TMEM132D: variants seen among roughly 807,000 people sequenced by gnomAD.
TMEM132D encodes the protein mature OL transmembrane protein.
Under a neutral mutation model 62.3 loss-of-function variants are expected in TMEM132D, and 21 were observed. That is an observed-to-expected ratio of 0.34 (90% CI 0.24 to 0.49). TMEM132D has a LOEUF of 0.49. Ranked by LOEUF, TMEM132D falls within the 20% of genes least tolerant of loss-of-function variation. The pLI is 0.99. For missense variants in TMEM132D, 1,346 were observed against 1,402.8 expected (o/e 0.96, Z 0.65); for synonymous variants, 621 against 575.6 (o/e 1.08, Z -1.13).
chr12:129,087,955 C>CCGGGCGTCCTCCA (rs1874692371), intron 5 of TMEM132D, among the ~76,000 whole-genome samples: 1 of 33,362 alleles, frequency 3.0e-5, no homozygotes, highest in Non-Finnish European at 5.4e-5. Context: ...GGTGTCCTCC[C>CCGGGCGTCCTCCA]TGACCGGGGT....
At chr12:129,746,786 C>A (rs1869794413) in intron 1 of TMEM132D, among the ~76,000 whole-genome samples, 1 of 152,028 alleles carries the variant, frequency 6.6e-6, no homozygotes, top group African/African-American at 2.4e-5. Context: ...GCACTCCTGC[C>A]GTCTCCCCTC....
At position 129,073,925 on chromosome 12, in the gene TMEM132D, C is replaced by A. The variant is rs2135601327; in HGVS notation, c.3250G>T (p.Asp1084Tyr). The A allele has an allele frequency of 6.3e-7, 1 of 1,587,800 alleles. No homozygotes were observed. The highest frequency in any genetic ancestry group is 1.8e-5 in the Admixed American group (1 of 55,852). The stretch of plus-strand genomic sequence containing the variant: ...ATGTAGTTGTGCAGCTCTTTGCAGT[C>A]CCCAGGGTCCAGATCCTGGCAGACC... Reference protein sequence around the residue: ...KWVCQDLDPGDCKELHNYMER... With the variant: ...KWVCQDLDPGYCKELHNYMER... The change falls in exon 9 of 9, where the codon GAC becomes TAC. Residue 1084 changes from aspartate to tyrosine, a missense_variant. By Grantham distance (160) the Asp-to-Tyr change is radical. Transcript: ENST00000422113.
chr12:129,126,119 T>C (rs932265293), intron 5 of TMEM132D, among the ~76,000 whole-genome samples: 3 of 152,296 alleles, frequency 2.0e-5, no homozygotes, highest in Admixed American at 2.0e-4. Flanking sequence ...CACTTTCCTT[T>C]TGTTCAATGT....
At chr12:129,731,042 G>C (rs1051363189) in intron 1 of TMEM132D, among the ~76,000 whole-genome samples, 2 of 152,004 alleles carry the variant, frequency 1.3e-5, no homozygotes, top group African/African-American at 4.8e-5. Context: ...TATCCTATTG[G>C]TTCTGTCCCT....
chr12:129,811,774 G>A (rs1872190907), intron 1 of TMEM132D, among the ~76,000 whole-genome samples: 1 of 151,706 alleles, frequency 6.6e-6, no homozygotes, highest in Non-Finnish European at 1.5e-5. Flanking sequence ...TGAAGATGGA[G>A]GGGACCCCAG....
rs143929827 is a variant in TMEM132D, at chr12:129,589,863, A to C, written c.969-58658T>G. On this transcript the variant is annotated intron_variant, in intron 2 of 8. Coordinates refer to ENST00000422113, the MANE Select transcript of TMEM132D (RefSeq NM_133448.3). ...CTGCAAGATTAGTGTGATCAAATAGATTTCATCTCCTGGATTGTTCCCTGG... is the reference window on the plus strand; with the variant it reads ...CTGCAAGATTAGTGTGATCAAATAGCTTTCATCTCCTGGATTGTTCCCTGG... Among the ~76,000 whole-genome samples the C allele has an allele frequency of 2.9e-4, 44 of 152,230 alleles. 2 individuals carry two copies. Among genetic ancestry groups the C allele is most frequent in the East Asian group, 2.1e-3 (11 of 5,178 alleles).
intron 3 of TMEM132D, among the ~76,000 whole-genome samples, chr12:129,391,093 C>A (rs1472966236): frequency 6.6e-6 from 1 of 152,160 alleles, no homozygotes; most frequent in Non-Finnish European, 1.5e-5. Context: ...GCTGCTTCCT[C>A]CCTTGTTCTA....
intron 2 of TMEM132D, among the ~76,000 whole-genome samples, chr12:129,631,598 G>A (rs1043231633): frequency 6.6e-6 from 1 of 152,226 alleles, no homozygotes; most frequent in Non-Finnish European, 1.5e-5. Flanking sequence ...CATAGGAGCA[G>A]AAGAAATGGG....
chr12:129,764,353 A>T (rs1358053157), intron 1 of TMEM132D, among the ~76,000 whole-genome samples: 1 of 152,196 alleles, frequency 6.6e-6, no homozygotes, highest in Non-Finnish European at 1.5e-5. Context: ...TCAAATGACA[A>T]TATTATAGTA....
intron 1 of TMEM132D, among the ~76,000 whole-genome samples, chr12:129,800,263 A>C (rs936456543): frequency 3.3e-5 from 5 of 152,146 alleles, no homozygotes; most frequent in Non-Finnish European, 5.9e-5. Context: ...AAATGCATAG[A>C]GAACAGGGTA....
At chr12:129,554,661 C>T (rs76750291) in intron 2 of TMEM132D, among the ~76,000 whole-genome samples, 1 of 152,124 alleles carries the variant, frequency 6.6e-6, no homozygotes, top group South Asian at 2.1e-4. Context: ...TAACATGGGA[C>T]CACTTGTTGA....
intron 3 of TMEM132D, among the ~76,000 whole-genome samples, chr12:129,434,214 C>G (rs1872731946): frequency 6.6e-6 from 1 of 152,172 alleles, no homozygotes; most frequent in Admixed American, 6.5e-5. Flanking sequence ...CAAACTCCCT[C>G]CCTTCTGGGA....
intron 4 of TMEM132D, among the ~76,000 whole-genome samples, chr12:129,327,177 T>C (rs1323066033): frequency 6.6e-6 from 1 of 152,114 alleles, no homozygotes; most frequent in Non-Finnish European, 1.5e-5. Flanking sequence ...CTCCTCTCAG[T>C]GCCTTACATT....
At chr12:129,785,474 C>T (rs1871225889) in intron 1 of TMEM132D, among the ~76,000 whole-genome samples, 1 of 152,232 alleles carries the variant, frequency 6.6e-6, no homozygotes, top group Non-Finnish European at 1.5e-5. Context: ...ACAGTACATG[C>T]TAAATCAACG....
chr12:129,082,756 G>T (rs1348252173), intron 6 of TMEM132D, among the ~76,000 whole-genome samples: 1 of 152,192 alleles, frequency 6.6e-6, no homozygotes, highest in South Asian at 2.1e-4. Context: ...TTGTGACAGG[G>T]TCTTGCTCTG....
intron 3 of TMEM132D, among the ~76,000 whole-genome samples, chr12:129,406,448 G>A (rs532308974): frequency 1.3e-5 from 2 of 152,020 alleles, no homozygotes; most frequent in African/African-American, 4.8e-5. Context: ...GTGAAACCCC[G>A]TCTCTACTAA....
chr12:129,712,687 A>G lies in TMEM132D; in HGVS notation c.80-11989T>C, dbSNP rs567340751. 1.8e-4 allele frequency among the ~76,000 whole-genome samples: 28 copies of G among 152,222 alleles called. No homozygotes were observed. In the East Asian group the frequency reaches 5.4e-3, roughly 30 times the overall value. On this transcript the variant is annotated intron_variant, in intron 1 of 8. Coordinates refer to ENST00000422113, the MANE Select transcript of TMEM132D (RefSeq NM_133448.3). Reference sequence around the variant, plus strand: ...GCTTGAATTTGAAGAGCCACATATGACCAGTGGCTACCATACTGGACGTCT... The same window carrying G: ...GCTTGAATTTGAAGAGCCACATATGGCCAGTGGCTACCATACTGGACGTCT...
intron 4 of TMEM132D, among the ~76,000 whole-genome samples, chr12:129,280,349 A>T (rs1163414760): frequency 2.0e-5 from 3 of 152,236 alleles, no homozygotes; most frequent in Admixed American, 2.0e-4. Context: ...TGCAATATCC[A>T]TGACACATGC....
At chr12:129,745,362 G>A (rs867240184) in intron 1 of TMEM132D, among the ~76,000 whole-genome samples, 9 of 152,266 alleles carry the variant, frequency 5.9e-5, no homozygotes, top group South Asian at 4.1e-4. Flanking sequence ...CCGCAAATGC[G>A]GATGTGGTCA....
Sources: allele counts gnomAD v4.1 joint callset (sites outside exome capture counted in the v4.1 genomes callset), GRCh38; gene constraint gnomAD v4.1.1; transcripts MANE v1.5; gene names NCBI Gene and HGNC (gene_info 2026-07-23, HGNC 2026-07-21).